Variants in BTBD3 observed in about 807,000 individuals in gnomAD.
BTBD3 encodes BTB domain containing 3.
A neutral mutation model predicts 41.6 loss-of-function variants in BTBD3; 14 were observed. The ratio of observed to expected loss-of-function variants is 0.34; its 90% CI spans 0.22 to 0.53. BTBD3 has a LOEUF of 0.53. BTBD3 is among the 20% of genes least tolerant of loss of function. The pLI is 0.95. For synonymous variants in BTBD3, 249 were observed against 233.7 expected (o/e 1.07, Z -0.60); for missense variants, 426 against 654.7 (o/e 0.65, Z 3.81).
At chr20:11,905,259 T>G (rs1244767187) in intron 1 of BTBD3, among the ~76,000 whole-genome samples, 2 of 151,750 alleles carry the variant, frequency 1.3e-5, no homozygotes, top group African/African-American at 4.9e-5. Flanking sequence ...AAGCATACTT[T>G]GCTGCTTCTG....
intron 2 of BTBD3, 117 bp from the exon 3 acceptor site, chr20:11,919,598 CAGT>C: frequency 1.6e-6 from 2 of 1,213,430 alleles, no homozygotes; most frequent in Non-Finnish European, 2.3e-6. Flanking sequence ...TTTTTCAAAG[CAGT>C]AGATTTTAGG....
intron 1 of BTBD3, among the ~76,000 whole-genome samples, chr20:11,900,492 T>C (rs2056817004): frequency 6.6e-6 from 1 of 152,122 alleles, no homozygotes; most frequent in Non-Finnish European, 1.5e-5. Context: ...CCTAATTTCT[T>C]CTACTAATCT....
chr20:11,906,253 C>CTTTTTTTTTTT (rs1568610658), intron 1 of BTBD3, among the ~76,000 whole-genome samples: 2 of 37,348 alleles, frequency 5.4e-5, no homozygotes, highest in East Asian at 5.0e-4. Flanking sequence ...TATTATTACT[C>CTTTTTTTTTTT]CTTTTTTTTT....
intron 1 of BTBD3, chr20:11,892,498 C>G (rs2056761458): frequency 6.6e-6 from 1 of 152,172 alleles, no homozygotes; most frequent in Non-Finnish European, 1.5e-5. Flanking sequence ...TCTTCCTTTT[C>G]GGAAGAATTT....
At chr20:11,904,166 G>T (rs913182794) in intron 1 of BTBD3, among the ~76,000 whole-genome samples, 4 of 152,196 alleles carry the variant, frequency 2.6e-5, no homozygotes, top group Non-Finnish European at 4.4e-5. Flanking sequence ...AATTTATAAA[G>T]AAAAGAGGTT....
At chr20:11,909,960 T>G (rs1387451746) in intron 1 of BTBD3, 1 of 152,202 alleles carries the variant, frequency 6.6e-6, no homozygotes, top group Admixed American at 6.5e-5. Flanking sequence ...TTCTAAGCAC[T>G]GAGTGACTAA....
chr20:11,926,367 A>C lies in BTBD3; in HGVS notation c.*2701A>C, dbSNP rs1292983678. ...ATTATTGCACTGAACTTTTTTGTTT[A>C]TTAAGGTGTTTAAATAAGCTCAGCT... On this transcript the variant is annotated 3_prime_UTR_variant, in exon 4 of 4. Coordinates refer to ENST00000378226, the MANE Select transcript of BTBD3 (RefSeq NM_014962.4). The C allele has an allele frequency of 6.6e-6, 1 of 152,610 alleles. No individual in the cohort carries two copies. Among genetic ancestry groups the C allele is most frequent in the Admixed American group, 6.5e-5 (1 of 15,286 alleles). 9.5% of individuals were successfully genotyped at this position (152,610 alleles called of 1,614,324 possible).
At chr20:11,899,615 G>C (rs936444835) in intron 1 of BTBD3, among the ~76,000 whole-genome samples, 53 of 151,560 alleles carry the variant, frequency 3.5e-4, no homozygotes, top group African/African-American at 1.3e-3. Flanking sequence ...ATGAAGATTT[G>C]TTACATAGGT....
At chr20:11,920,865 AGTACT>A (rs1308054538) in intron 3 of BTBD3, among the ~76,000 whole-genome samples, 1 of 152,230 alleles carries the variant, frequency 6.6e-6, no homozygotes, top group Non-Finnish European at 1.5e-5. Context: ...CTGAAAAATA[AGTACT>A]GTAGTTAGTT....
At chr20:11,915,875 A>ACAATGTT (rs2056914998), upstream of BTBD3, among the ~76,000 whole-genome samples, 1 of 152,216 alleles carries the variant, frequency 6.6e-6, no homozygotes, top group Admixed American at 6.5e-5. Context: ...AATATTGCAT[A>ACAATGTT]CTTCTCTTTC....
At chr20:11,899,248 G>C (rs1274761153) in intron 1 of BTBD3, among the ~76,000 whole-genome samples, 5 of 152,104 alleles carry the variant, frequency 3.3e-5, no homozygotes, top group African/African-American at 1.2e-4. Context: ...GCACGTAATT[G>C]AACCTTTTAC....
chr20:11,911,059 A>G (rs1342303822), intron 1 of BTBD3, among the ~76,000 whole-genome samples: 3 of 152,216 alleles, frequency 2.0e-5, no homozygotes, highest in African/African-American at 7.2e-5. Flanking sequence ...CTTTCTGTTG[A>G]ATTGTACAAA....
At chr20:11,910,895 A>G (rs2056885226) in intron 1 of BTBD3, among the ~76,000 whole-genome samples, 1 of 152,244 alleles carries the variant, frequency 6.6e-6, no homozygotes, top group South Asian at 2.1e-4. Context: ...TGGTTGTCAT[A>G]GTAGCAGTCT....
At chr20:11,910,805 A>G (rs1455487462) in intron 1 of BTBD3, among the ~76,000 whole-genome samples, 2 of 152,228 alleles carry the variant, frequency 1.3e-5, no homozygotes, top group Non-Finnish European at 2.9e-5. Context: ...AATGCATTAT[A>G]TTAATGCTGG....
Position 11,923,174 on chromosome 20 carries a change from G to C in BTBD3, c.1077G>C (p.Glu359Asp). The change falls in exon 4 of 4, where the codon GAG becomes GAC. Residue 359 changes from glutamate (E) to aspartate (D), a missense_variant. Around this residue, in one of 3 missense-constraint regions of BTBD3, gnomAD observed 321 missense variants for 534.8 expected, o/e 0.60. Coordinates refer to ENST00000378226, the MANE Select transcript of BTBD3 (RefSeq NM_014962.4). This position sits in a 1 kb window ranked among gnomAD's most constrained non-coding sequence, Gnocchi z 5.3. ...FLWYTAAKKP[E>D]LQFVSKARKG... is the part of the protein sequence containing the mutation. ...GGTATACTGCAGCCAAAAAGCCTGA[G>C]CTTCAGTTTGTGAGTAAAGCCCGTA... The C allele has an allele frequency of 6.2e-7, 1 of 1,614,242 alleles. No homozygotes were observed. Among genetic ancestry groups the C allele is most frequent in the Non-Finnish European group, 8.5e-7 (1 of 1,180,050 alleles).
chr20:11,918,452 GA>G lies in BTBD3; in HGVS notation c.179del (p.Lys60ArgfsTer53). The G allele has an allele frequency of 6.2e-7, 1 of 1,614,024 alleles. No homozygotes were observed. Reference protein sequence around the residue: ...YEIITLKTKKKKMAADIFPRK... With the variant: ...YEIITLKTKKXKMAADIFPRK... ...AAATAATTACCTTGAAGACTAAAAA[GA>G]AGAAGATGGCTGCTGATATATTCCC... On this transcript the variant is annotated frameshift_variant, in exon 1 of 4. Coordinates refer to ENST00000378226, the MANE Select transcript of BTBD3 (RefSeq NM_014962.4). LOFTEE classifies it high-confidence loss of function.
chr20:11,918,595 G>C lies in BTBD3; in HGVS notation c.320G>C (p.Arg107Thr). 3 of 1,594,160 alleles carry C rather than the reference G, an allele frequency of 1.9e-6. No homozygotes were observed. The highest frequency in any genetic ancestry group is 2.6e-6 in the Non-Finnish European group (3 of 1,172,822). ...TGGCAGGGTCTTTATCCCACCATTA[G>C]AGAGAGGTAAGTGCCGCGCTAGTCT... ...PNWQGLYPTI[R>T]ERNAMMFNND... The change falls in exon 1 of 4, where the codon AGA becomes ACA. Residue 107 changes from arginine (R) to threonine (T), a missense_variant. Arg to Thr is a moderately conservative substitution (Grantham distance 71). Coordinates refer to ENST00000378226, the MANE Select transcript of BTBD3 (RefSeq NM_014962.4).
intron 1 of BTBD3, among the ~76,000 whole-genome samples, chr20:11,896,098 T>C (rs2056785315): frequency 6.6e-6 from 1 of 152,216 alleles, no homozygotes; most frequent in Non-Finnish European, 1.5e-5. Context: ...ACTAAAAAAA[T>C]ACCGGATCAT....
intron 1 of BTBD3, among the ~76,000 whole-genome samples, chr20:11,907,423 C>A (rs2122229730): frequency 6.6e-6 from 1 of 152,268 alleles, no homozygotes; most frequent in African/African-American, 2.4e-5. Flanking sequence ...GGTCTAGGAC[C>A]AGTTGCACCC....
Sources: gnomAD v4.1 joint callset for allele counts (sites outside exome capture counted in the v4.1 genomes callset) on GRCh38, gnomAD v4.1.1 for gene constraint, gnomAD v4.1.1 regional missense constraint, Gnocchi (gnomAD v3.1) non-coding constraint, MANE v1.5 for transcripts, NCBI Gene and HGNC (gene_info 2026-07-23, HGNC 2026-07-21) for gene names.